Variants in CDH18 observed in about 807,000 individuals in gnomAD.
The protein encoded by CDH18 is cadherin 18, also known as cadherin-18.
In CDH18, 31 loss-of-function variants were observed where a neutral mutation model predicts 67.9. That is an observed-to-expected ratio of 0.46 (90% confidence interval 0.34 to 0.62). The LOEUF (loss-of-function observed/expected upper bound fraction) is 0.62. CDH18 is among the 20% of genes least tolerant of loss of function. The pLI, the probability that CDH18 is intolerant of heterozygous loss-of-function variation, is 0.01. For missense variants in CDH18, 890 were observed against 975.5 expected (o/e 0.91, Z 1.17); for synonymous variants, 362 against 347.2 (o/e 1.04, Z -0.48).
chr5:20,256,966 C>CTATCTATATCTA (rs149817912), intron 1 of CDH18, among the ~76,000 whole-genome samples: 3 of 106,438 alleles, frequency 2.8e-5, no homozygotes, highest in African/African-American at 5.6e-5. Context: ...TCTATCTAAT[C>CTATCTATATCTA]TATCTATATC....
chr5:19,814,183 A>C (rs1779045930), intron 3 of CDH18, among the ~76,000 whole-genome samples: 8 of 151,962 alleles, frequency 5.3e-5, no homozygotes. Context: ...ATGTTTCAAA[A>C]ATTATTTTAT....
chr5:19,828,762 C>T (rs1028177014), intron 3 of CDH18, among the ~76,000 whole-genome samples: 3 of 152,098 alleles, frequency 2.0e-5, no homozygotes, highest in Non-Finnish European at 4.4e-5. Flanking sequence ...GCCGGCTGGG[C>T]GCTGTGGCTC....
intron 2 of CDH18, among the ~76,000 whole-genome samples, chr5:20,135,735 A>G (rs943746041): frequency 7.9e-5 from 12 of 152,296 alleles, no homozygotes; most frequent in African/African-American, 2.6e-4. Context: ...ATTTAGTGCT[A>G]TAAATTTCCC....
chr5:20,025,280 T>C (rs1474083718), intron 2 of CDH18, among the ~76,000 whole-genome samples: 1 of 152,190 alleles, frequency 6.6e-6, no homozygotes, highest in Non-Finnish European at 1.5e-5. Context: ...GTTATGACTT[T>C]CTAAGGGTTC....
intron 5 of CDH18, among the ~76,000 whole-genome samples, chr5:19,624,584 T>G (rs1026351554): frequency 2.6e-5 from 4 of 152,162 alleles, no homozygotes; most frequent in Non-Finnish European, 5.9e-5. Context: ...GCCAGAACTT[T>G]ATACACCCTC....
intron 5 of CDH18, among the ~76,000 whole-genome samples, chr5:19,617,050 C>T (rs1749950529): frequency 6.6e-6 from 1 of 152,160 alleles, no homozygotes; most frequent in Non-Finnish European, 1.5e-5. Context: ...AACTTATGAA[C>T]TCTAGGGAGG....
intron 11 of CDH18, among the ~76,000 whole-genome samples, chr5:19,485,442 A>G (rs1287225929): frequency 1.3e-5 from 2 of 152,006 alleles, no homozygotes; most frequent in Non-Finnish European, 2.9e-5. Context: ...TTTTTAGTAG[A>G]GACGGGGTTT....
At chr5:20,114,123 A>T (rs1170608995) in intron 2 of CDH18, among the ~76,000 whole-genome samples, 1 of 152,244 alleles carries the variant, frequency 6.6e-6, no homozygotes, top group Admixed American at 6.5e-5. Flanking sequence ...GGTTACCCAG[A>T]TATATGCAAC....
At chr5:19,618,323 C>CCTGAGTA (rs1451824696) in intron 5 of CDH18, among the ~76,000 whole-genome samples, 77 of 151,690 alleles carry the variant, frequency 5.1e-4, no homozygotes, top group Non-Finnish European at 9.4e-4. Context: ...CCCCTGCGTT[C>CCTGAGTA]GCTTCCTGAG....
chr5:20,208,776 G>T (rs1408027937), intron 2 of CDH18, among the ~76,000 whole-genome samples: 1 of 152,082 alleles, frequency 6.6e-6, no homozygotes, highest in Non-Finnish European at 1.5e-5. Flanking sequence ...TCAAGAATGT[G>T]AAGAGACAAC....
chr5:20,441,948 G>A lies in CDH18; in HGVS notation c.-580+133514C>T, dbSNP rs966485294. ...GTGCAATAAATAAGGTTCCTACATC[G>A]AGAGAAACAGAAATGGTCAGGCAAA... On this transcript the variant is annotated intron_variant, in intron 1 of 14. Transcript: ENST00000507958. Among the ~76,000 whole-genome samples the A allele has an allele frequency of 2.0e-5, 3 of 151,796 alleles. 1 individual carries two copies. Among genetic ancestry groups the A allele is most frequent in the African/African-American group, 7.3e-5 (3 of 41,120 alleles).
chr5:20,271,818 T>C (rs1745455001), intron 1 of CDH18, among the ~76,000 whole-genome samples: 1 of 152,004 alleles, frequency 6.6e-6, no homozygotes, highest in African/African-American at 2.4e-5. Context: ...AGTATTTTGT[T>C]ATGGCGGTAG....
chr5:20,533,335 T>G (rs1185524721), intron 1 of CDH18, among the ~76,000 whole-genome samples: 1 of 152,110 alleles, frequency 6.6e-6, no homozygotes, highest in Non-Finnish European at 1.5e-5. Flanking sequence ...TGTCTTACAG[T>G]TCTTCAGGAT....
chr5:20,476,641 A>C (rs573613405), intron 1 of CDH18, among the ~76,000 whole-genome samples: 11 of 152,294 alleles, frequency 7.2e-5, no homozygotes, highest in African/African-American at 2.2e-4. Flanking sequence ...TGTATTACAC[A>C]TTTAGAATAT....
chr5:20,225,281 A>G (rs2126470937), intron 2 of CDH18, among the ~76,000 whole-genome samples: 1 of 152,144 alleles, frequency 6.6e-6, no homozygotes, highest in East Asian at 1.9e-4. Context: ...CTACTGAAGG[A>G]GAACAATATT....
At chr5:20,493,846 G>T (rs1178327386) in intron 1 of CDH18, among the ~76,000 whole-genome samples, 4 of 151,994 alleles carry the variant, frequency 2.6e-5, no homozygotes, top group Admixed American at 2.6e-4. Flanking sequence ...TATAGGTCAA[G>T]CTTCTGGTGT....
chr5:20,212,243 A>G (rs1408691945), intron 2 of CDH18, among the ~76,000 whole-genome samples: 1 of 152,118 alleles, frequency 6.6e-6, no homozygotes. Context: ...AAAGAGTAAA[A>G]ATAAATGAAC....
intron 9 of CDH18, among the ~76,000 whole-genome samples, chr5:19,528,333 G>A (rs1250226180): frequency 6.6e-6 from 1 of 151,436 alleles, no homozygotes; most frequent in Non-Finnish European, 1.5e-5. Flanking sequence ...TATTTTTAAT[G>A]CTGCTTAGAA....
intron 7 of CDH18, among the ~76,000 whole-genome samples, chr5:19,583,305 C>T (rs1408950694): frequency 1.3e-5 from 2 of 151,982 alleles, no homozygotes; most frequent in Non-Finnish European, 1.5e-5. Context: ...TATAGAAATG[C>T]ATATTTTGAT....
Sources: allele counts gnomAD v4.1 joint callset (sites outside exome capture counted in the v4.1 genomes callset), GRCh38; gene constraint gnomAD v4.1.1; transcripts MANE v1.5; gene names NCBI Gene and HGNC (gene_info 2026-07-23, HGNC 2026-07-21).